Variants in IMMP1L observed in about 807,000 individuals in gnomAD.
The protein encoded by IMMP1L is mitochondrial inner membrane protease subunit 1.
Under a neutral mutation model 21.8 loss-of-function variants are expected in IMMP1L, and 24 were observed. The observed-to-expected ratio is 1.10, with a 90% CI of 0.80 to 1.55. The LOEUF (loss-of-function observed/expected upper bound fraction) is 1.55. Among genes scored for constraint, IMMP1L ranks in the 40% most tolerant of loss-of-function variants. IMMP1L has a pLI of 0.00. For missense variants in IMMP1L, 195 were observed against 200.7 expected, an observed-to-expected ratio of 0.97 and a Z score of 0.17; for synonymous variants, 46 against 62.8, an observed-to-expected ratio of 0.73 and a Z score of 1.26.
At chr11:31,482,406 G>A (rs979936565) in intron 1 of IMMP1L, among the ~76,000 whole-genome samples, 7 of 151,946 alleles carry the variant, frequency 4.6e-5, no homozygotes, top group African/African-American at 1.7e-4. Flanking sequence ...ACTATTAAGA[G>A]AGTAAAAAGA....
intron 1 of IMMP1L, among the ~76,000 whole-genome samples, chr11:31,471,150 G>A (rs1954535503): frequency 6.6e-6 from 1 of 152,130 alleles, no homozygotes; most frequent in Admixed American, 6.5e-5. Flanking sequence ...AAATGTTTGA[G>A]GTGATAGATA....
At position 31,484,656 on chromosome 11, in the gene IMMP1L, A is replaced by G. The variant is rs146088007; in HGVS notation, c.-29-21351T>C. On this transcript the variant is annotated intron_variant, in intron 1 of 5. Transcript: ENST00000532287. Reference sequence around the variant, plus strand: ...CCAAAATTGGTACTGAGATGAGGTAAATGCATTGGTCTTTTTCTAGAAATT... The same window carrying G: ...CCAAAATTGGTACTGAGATGAGGTAGATGCATTGGTCTTTTTCTAGAAATT... 5.6e-3 allele frequency among the ~76,000 whole-genome samples: 853 copies of G among 151,986 alleles called. 11 individuals carry two copies. Among genetic ancestry groups the G allele is most frequent in the African/African-American group, 0.02 (821 of 41,546 alleles).
At chr11:31,499,121 T>C (rs1955538963) in intron 1 of IMMP1L, among the ~76,000 whole-genome samples, 1 of 152,130 alleles carries the variant, frequency 6.6e-6, no homozygotes, top group Non-Finnish European at 1.5e-5. Flanking sequence ...TCCCAGCACT[T>C]TGGAAGGCCA....
chr11:31,439,928 A>T (rs1009065486), intron 4 of IMMP1L, among the ~76,000 whole-genome samples: 1 of 152,160 alleles, frequency 6.6e-6, no homozygotes, highest in Non-Finnish European at 1.5e-5. Context: ...TTTGGCTTAC[A>T]GCTCCCCAGC....
intron 2 of IMMP1L, among the ~76,000 whole-genome samples, chr11:31,462,297 CAG>C (rs1213147072): frequency 1.5e-5 from 2 of 131,000 alleles, no homozygotes; most frequent in Non-Finnish European, 3.1e-5. Context: ...GCCCAGGCAA[CAG>C]AGCAAGACCC....
At chr11:31,468,372 G>C (rs1954433343) in intron 1 of IMMP1L, among the ~76,000 whole-genome samples, 1 of 152,126 alleles carries the variant, frequency 6.6e-6, no homozygotes, top group African/African-American at 2.4e-5. Context: ...TGGATACAGA[G>C]AGATGAAGAC....
chr11:31,473,760 C>T (rs1314619288), intron 1 of IMMP1L: 2 of 985,098 alleles, frequency 2.0e-6, no homozygotes, highest in Non-Finnish European at 2.4e-6. Context: ...AAGAAGTTGT[C>T]CACCTGATTG....
intron 1 of IMMP1L, among the ~76,000 whole-genome samples, chr11:31,486,877 C>G (rs572817467): frequency 6.6e-6 from 1 of 151,946 alleles, no homozygotes; most frequent in African/African-American, 2.4e-5. Flanking sequence ...CTTAGGAATA[C>G]ACGTAAAGTG....
At chr11:31,477,313 T>C (rs933398586) in intron 1 of IMMP1L, 1 of 152,394 alleles carries the variant, frequency 6.6e-6, no homozygotes, top group East Asian at 1.9e-4. Context: ...TTGTTACCAA[T>C]AGTAAATAAT....
intron 4 of IMMP1L, among the ~76,000 whole-genome samples, chr11:31,451,601 T>G (rs1487861166): frequency 6.6e-6 from 1 of 152,280 alleles, no homozygotes; most frequent in African/African-American, 2.4e-5. Context: ...GGAGCCATTT[T>G]GGGACAGAAA....
chr11:31,506,539 C>T (rs931669402), intron 1 of IMMP1L, among the ~76,000 whole-genome samples: 1 of 151,552 alleles, frequency 6.6e-6, no homozygotes, highest in Non-Finnish European at 1.5e-5. Flanking sequence ...CAACATATAA[C>T]TTTTAACTCT....
chr11:31,489,560 C>A (rs930979571), intron 1 of IMMP1L, among the ~76,000 whole-genome samples: 2 of 152,008 alleles, frequency 1.3e-5, no homozygotes, highest in African/African-American at 4.8e-5. Context: ...TAGCAGTAAA[C>A]CATTAGTTGC....
chr11:31,442,733 G>A (rs1953379547), intron 4 of IMMP1L, among the ~76,000 whole-genome samples: 1 of 152,028 alleles, frequency 6.6e-6, no homozygotes, highest in Admixed American at 6.6e-5. Flanking sequence ...GCAAGGTGAG[G>A]AACAAAGTTT....
intron 1 of IMMP1L, among the ~76,000 whole-genome samples, chr11:31,475,827 T>G (rs533140364): frequency 1.3e-5 from 2 of 152,262 alleles, no homozygotes; most frequent in South Asian, 4.1e-4. Flanking sequence ...TTTGAGACGT[T>G]CTAAAGAAAA....
intron 1 of IMMP1L, among the ~76,000 whole-genome samples, chr11:31,486,337 A>G (rs1467892679): frequency 6.6e-6 from 1 of 151,880 alleles, no homozygotes; most frequent in Non-Finnish European, 1.5e-5. Flanking sequence ...CTTCATCAGT[A>G]AAGTGAAGGA....
chr11:31,445,773 G>A (rs1953497114), intron 4 of IMMP1L, among the ~76,000 whole-genome samples: 1 of 150,562 alleles, frequency 6.6e-6, no homozygotes, highest in South Asian at 2.1e-4. Context: ...TGCCCAGGCT[G>A]GAGTGCAGTG....
chr11:31,507,858 G>C (rs563676980), intron 1 of IMMP1L, among the ~76,000 whole-genome samples: 51 of 152,326 alleles, frequency 3.3e-4, no homozygotes, highest in Non-Finnish European at 7.5e-4. Flanking sequence ...TGATAACTAT[G>C]TGAGGTAATG....
intron 1 of IMMP1L, among the ~76,000 whole-genome samples, chr11:31,489,664 G>C (rs1282281019): frequency 1.3e-5 from 2 of 151,942 alleles, no homozygotes; most frequent in East Asian, 1.9e-4. Context: ...CTTCATTTCT[G>C]CCAATCTCTC....
intron 1 of IMMP1L, among the ~76,000 whole-genome samples, chr11:31,476,010 TAAA>T (rs1954717878): frequency 6.6e-6 from 1 of 152,088 alleles, no homozygotes; most frequent in Non-Finnish European, 1.5e-5. Context: ...CTTTTAAAAA[TAAA>T]TATATAATAC....
Sources: gnomAD v4.1 joint callset for allele counts (sites outside exome capture counted in the v4.1 genomes callset) on GRCh38, gnomAD v4.1.1 for gene constraint, MANE v1.5 for transcripts, NCBI Gene and HGNC (gene_info 2026-07-23, HGNC 2026-07-21) for gene names.